The following MAST4 variants were observed in gnomAD, a reference collection of about 807,000 sequenced individuals.
MAST4 encodes microtubule associated serine/threonine kinase family member 4, also known as microtubule-associated serine/threonine-protein kinase 4.
A neutral mutation model predicts 162.7 loss-of-function variants in MAST4; 89 were observed. The observed-to-expected ratio is 0.55, with a 90% CI of 0.46 to 0.65. The LOEUF is 0.65. Ranked by LOEUF, MAST4 falls within the 30% of genes least tolerant of loss-of-function variation. The probability of loss-of-function intolerance (pLI) is 0.00; values close to 1 mark genes in which losing one functional copy is unlikely to be tolerated. For synonymous variants in MAST4, 1,479 were observed against 1,361.1 expected (o/e 1.09, Z -1.91); for missense variants, 3,153 against 3,374.0 (o/e 0.93, Z 1.62).
chr5:66,632,596 A>T (rs926892029), intron 1 of MAST4, among the ~76,000 whole-genome samples: 1 of 152,184 alleles, frequency 6.6e-6, no homozygotes, highest in African/African-American at 2.4e-5. Context: ...TTTCTAGTTT[A>T]TCCAGGTAGT....
intron 5 of MAST4, among the ~76,000 whole-genome samples, chr5:67,065,902 G>T (rs534088172): frequency 6.6e-6 from 1 of 152,222 alleles, no homozygotes; most frequent in East Asian, 1.9e-4. Context: ...AGTAATTGCA[G>T]AGCTTGTCAT....
At chr5:66,871,481 A>G (rs753238755) in intron 3 of MAST4, among the ~76,000 whole-genome samples, 1 of 152,132 alleles carries the variant, frequency 6.6e-6, no homozygotes, top group Non-Finnish European at 1.5e-5. Context: ...GTCATGCCCA[A>G]CTCTTTTTAA....
In MAST4 at chr5:66,695,817, A is replaced by G. The variant is rs1021385629; in HGVS notation, c.364-63892A>G. 2.2e-4 allele frequency among the ~76,000 whole-genome samples: 33 copies of G among 152,212 alleles called. 1 individual carries two copies. Among genetic ancestry groups the G allele is most frequent in the African/African-American group, 7.2e-4 (30 of 41,458 alleles). ...GGCAATTCTTCGAAGACCTAGAACC[A>G]GAAATATCATTTGACCCAGCAATCC... On this transcript the variant is annotated intron_variant, in intron 1 of 28. Coordinates refer to ENST00000403625, the MANE Select transcript of MAST4 (RefSeq NM_001164664.2).
At chr5:66,942,850 T>C (rs543241877) in intron 4 of MAST4, among the ~76,000 whole-genome samples, 63 of 151,992 alleles carry the variant, frequency 4.1e-4, no homozygotes, top group Non-Finnish European at 7.4e-4. Context: ...ATAAGCTGGG[T>C]GGCTTATAAA....
intron 3 of MAST4, among the ~76,000 whole-genome samples, chr5:66,799,217 A>G (rs190102821): frequency 6.2e-4 from 94 of 152,234 alleles, no homozygotes; most frequent in African/African-American, 1.7e-3. Flanking sequence ...ACTCTTCTCT[A>G]TGTAACTCTC....
chr5:66,637,120 T>G (rs184486109), intron 1 of MAST4, among the ~76,000 whole-genome samples: 2 of 152,134 alleles, frequency 1.3e-5, no homozygotes, highest in Admixed American at 6.6e-5. Flanking sequence ...ATCTAGTTTT[T>G]CCCCCCTCAC....
chr5:66,903,749 A>G (rs1279526638), intron 4 of MAST4, among the ~76,000 whole-genome samples: 1 of 152,198 alleles, frequency 6.6e-6, no homozygotes, highest in Non-Finnish European at 1.5e-5. Flanking sequence ...TATCCCTCAA[A>G]GAGTTGAGAC....
intron 1 of MAST4, among the ~76,000 whole-genome samples, chr5:66,608,262 G>T (rs549455013): frequency 2.0e-5 from 3 of 150,134 alleles, no homozygotes; most frequent in African/African-American, 7.4e-5. Flanking sequence ...CACCATGTTG[G>T]CCAGGCTGGT....
chr5:66,648,454 G>A (rs1288550711), intron 1 of MAST4, among the ~76,000 whole-genome samples: 3 of 152,040 alleles, frequency 2.0e-5, no homozygotes, highest in African/African-American at 7.2e-5. Context: ...TTTTTATACT[G>A]GAACTGCCTT....
rs1213733852 is a variant in MAST4, at chr5:67,153,654, T to C, written c.3648+74T>C. On this transcript the variant is annotated intron_variant, in intron 26 of 28. Coordinates refer to ENST00000403625, the MANE Select transcript of MAST4 (RefSeq NM_001164664.2). Reference sequence around the variant, plus strand: ...AAGGGGCTAGTACCAGGAGATTGATTTCCCTGTGTCACACCCATGTCTGAT... The same window carrying C: ...AAGGGGCTAGTACCAGGAGATTGATCTCCCTGTGTCACACCCATGTCTGAT... 1.5e-5 allele frequency: 21 copies of C among 1,393,396 alleles called. No individual in the cohort carries two copies. The Admixed American group carries it at 5.4e-4, about 36-fold the overall frequency. The allele number at this position is 1,393,396 out of a possible 1,614,324, so 86.3% of individuals were successfully genotyped here.
chr5:67,048,164 A>T (rs1010860729), intron 4 of MAST4, among the ~76,000 whole-genome samples: 39 of 152,210 alleles, frequency 2.6e-4, no homozygotes, highest in African/African-American at 9.2e-4. Flanking sequence ...AAGCTTTTTC[A>T]ATCAAATGCA....
At chr5:66,993,353 G>C (rs760691406) in intron 4 of MAST4, among the ~76,000 whole-genome samples, 4 of 152,190 alleles carry the variant, frequency 2.6e-5, no homozygotes, top group Non-Finnish European at 5.9e-5. Flanking sequence ...TGAGTGTCTG[G>C]TGTGTACTTT....
chr5:66,846,616 A>G (rs555215707), intron 3 of MAST4, among the ~76,000 whole-genome samples: 1 of 152,196 alleles, frequency 6.6e-6, no homozygotes, highest in African/African-American at 2.4e-5. Context: ...TAATTCTATC[A>G]GAAGAGGTAT....
In MAST4 at chr5:67,133,517, G is replaced by A; in HGVS notation, c.2097G>A (p.Leu699=). Residue 699 remains leucine, a synonymous_variant, in exon 17 of 29, where the codon TTG becomes TTA. Coordinates refer to ENST00000403625, the MANE Select transcript of MAST4 (RefSeq NM_001164664.2). ...TACATGTCCGTCTGCCTCATAGCTTGTTGGTTACCTCCATGGGGCACATAA... is the reference window on the plus strand; with the variant it reads ...TACATGTCCGTCTGCCTCATAGCTTATTGGTTACCTCCATGGGGCACATAA... ...IVHRDLKPDN[L]LVTSMGHIKL... is the part of the protein sequence containing the mutation. The A allele has an allele frequency of 6.2e-7, 1 of 1,612,876 alleles. No homozygotes were observed. The highest frequency in any genetic ancestry group is 8.5e-7 in the Non-Finnish European group (1 of 1,179,082).
rs1037424243 is a variant in MAST4, at chr5:67,145,280, G to A, written c.2995G>A (p.Glu999Lys). The change falls in exon 23 of 29, where the codon GAG (glutamate) becomes AAG (lysine). Residue 999 changes from glutamate (E) to lysine (K), a missense_variant. Glu to Lys is a moderately conservative substitution (Grantham distance 56). This residue lies in a region of MAST4 where 619 missense variants were observed against 744.2 expected (regional missense o/e 0.83). Transcript: ENST00000403625. The part of the protein sequence containing the change: ...EAASCPGDPH[E>K]EPGKPALPPE... The stretch of plus-strand genomic sequence containing the variant: ...TGCCTCCTGCCCTGGAGACCCCCAT[G>A]AGGAGCCAGGAAAGCCAGCCCTTCC... 1 of 1,613,806 alleles carries A rather than the reference G, an allele frequency of 6.2e-7. No homozygotes were observed. Among genetic ancestry groups the A allele is most frequent in the African/African-American group, 1.3e-5 (1 of 74,904 alleles).
chr5:67,137,103 C>G (rs1462539733), intron 19 of MAST4, among the ~76,000 whole-genome samples: 1 of 152,134 alleles, frequency 6.6e-6, no homozygotes, highest in Non-Finnish European at 1.5e-5. Context: ...TTACTATACA[C>G]AAGCTTTGAA....
At chr5:66,698,056 T>C (rs1749520859) in intron 1 of MAST4, among the ~76,000 whole-genome samples, 1 of 151,822 alleles carries the variant, frequency 6.6e-6, no homozygotes, top group Admixed American at 6.6e-5. Context: ...CTTCAGTGGC[T>C]CTACCTGTTT....
chr5:67,088,017 TA>T (rs1763440745), intron 5 of MAST4, among the ~76,000 whole-genome samples: 1 of 152,230 alleles, frequency 6.6e-6, no homozygotes, highest in African/African-American at 2.4e-5. Flanking sequence ...ATTATTTTTT[TA>T]TTTTTTAGAG....
intron 3 of MAST4, among the ~76,000 whole-genome samples, chr5:66,882,432 CT>C (rs1017683695): frequency 6.6e-6 from 1 of 151,710 alleles, no homozygotes; most frequent in Non-Finnish European, 1.5e-5. Context: ...TTTGTTTTTG[CT>C]TTTTTTTCTT....
Sources: allele counts gnomAD v4.1 joint callset (sites outside exome capture counted in the v4.1 genomes callset), GRCh38; gene constraint gnomAD v4.1.1; regional missense constraint gnomAD v4.1.1; transcripts MANE v1.5; gene names NCBI Gene and HGNC (gene_info 2026-07-23, HGNC 2026-07-21).